PKNOX2: variants seen among roughly 807,000 people sequenced by gnomAD.
PKNOX2 encodes the protein homeobox protein PKNOX2.
PKNOX2 carries 14 observed loss-of-function variants against 53.1 expected under a neutral mutation model. The observed-to-expected ratio is 0.26, with a 90% CI of 0.17 to 0.41. The LOEUF is 0.41. Among genes scored for constraint, PKNOX2 ranks in the 10% least tolerant of loss-of-function variants. The pLI is 1.00. For synonymous variants in PKNOX2, 257 were observed against 242.8 expected, an observed-to-expected ratio of 1.06 and a Z score of -0.54; for missense variants, 496 against 602.8, an observed-to-expected ratio of 0.82 and a Z score of 1.85.
intron 2 of PKNOX2, among the ~76,000 whole-genome samples, chr11:125,322,559 G>C (rs1015655282): frequency 6.6e-6 from 1 of 152,186 alleles, no homozygotes; most frequent in African/African-American, 2.4e-5. Context: ...GCTCTCGTGG[G>C]GGTTTAATCC....
rs116887472 is a variant in PKNOX2, at chr11:125,261,761, C to T, written c.-130+26646C>T. Among the ~76,000 whole-genome samples the T allele has an allele frequency of 2.4e-3, 369 of 152,310 alleles. 1 individual carries two copies. Among genetic ancestry groups the T allele is most frequent in the South Asian group, 9.5e-3 (46 of 4,820 alleles). ...GCCAGAGGGAGCAGAGCATCAGCTC[C>T]AATGCCGCTCTTTCCGATCTGCAAA... On this transcript the variant is annotated intron_variant, in intron 2 of 12. Coordinates refer to ENST00000298282, the MANE Select transcript of PKNOX2 (RefSeq NM_001382323.2).
intron 5 of PKNOX2, among the ~76,000 whole-genome samples, chr11:125,376,821 G>A (rs1474308173): frequency 2.0e-5 from 3 of 152,318 alleles, no homozygotes; most frequent in African/African-American, 7.2e-5. Context: ...CCATGAGGAA[G>A]ACAGTCCTGT....
At chr11:125,245,148 C>T (rs75097646) in intron 2 of PKNOX2, among the ~76,000 whole-genome samples, 3 of 152,146 alleles carry the variant, frequency 2.0e-5, no homozygotes, top group African/African-American at 7.2e-5. Context: ...CCTGAAACTA[C>T]TCAGCCTTGG....
At chr11:125,281,554 T>A (rs990535615) in intron 2 of PKNOX2, among the ~76,000 whole-genome samples, 2 of 152,182 alleles carry the variant, frequency 1.3e-5, no homozygotes, top group Non-Finnish European at 2.9e-5. Flanking sequence ...GCTACTGTCT[T>A]AAATAAGAGG....
chr11:125,424,853 A>C (rs559276883), intron 10 of PKNOX2, among the ~76,000 whole-genome samples: 1 of 152,320 alleles, frequency 6.6e-6, no homozygotes, highest in East Asian at 1.9e-4. Flanking sequence ...CCCTGGGCAG[A>C]ACTCACTCTT....
chr11:125,255,170 G>A (rs1178748484), intron 2 of PKNOX2, among the ~76,000 whole-genome samples: 1 of 152,226 alleles, frequency 6.6e-6, no homozygotes, highest in Non-Finnish European at 1.5e-5. Flanking sequence ...AGTGCGCTTA[G>A]CAGGATCAAA....
rs1363591960 is a variant in PKNOX2, at chr11:125,362,099, T to G, written c.88-5747T>G. ...ACTGGGACCAGCAGTGAGGACGGGG[T>G]GGACTAGATGGAGACTTAGAACACA... On this transcript the variant is annotated intron_variant, in intron 4 of 12. Coordinates refer to ENST00000298282, the MANE Select transcript of PKNOX2 (RefSeq NM_001382323.2). 2.6e-5 allele frequency among the ~76,000 whole-genome samples: 4 copies of G among 151,876 alleles called. No individual in the cohort carries two copies. In the South Asian group the frequency reaches 8.3e-4, roughly 32 times the overall value.
chr11:125,313,604 T>C (rs145280030), intron 2 of PKNOX2, among the ~76,000 whole-genome samples: 4 of 152,292 alleles, frequency 2.6e-5, no homozygotes, highest in African/African-American at 9.6e-5. Context: ...AAAGCACATG[T>C]ACCCAGGAGG....
rs35679690 is a variant in PKNOX2, at chr11:125,250,065, C to CA, written c.-130+14976dup. On this transcript the variant is annotated intron_variant, in intron 2 of 12. Transcript: ENST00000298282. ...GGGCAACAGGAGCAAAACTCTGTCT[C>CA]AAAAAAAAAAAAAAAAAAAAAAAAA... 4.2e-3 allele frequency among the ~76,000 whole-genome samples: 195 copies of CA among 46,958 alleles called. 5 individuals carry two copies. The highest frequency in any genetic ancestry group is 6.8e-3 in the South Asian group (6 of 878). The allele number at this position is 46,958 out of a possible 152,430, so 30.8% of individuals were successfully genotyped here. A position where few individuals can be genotyped will look rare whatever the true frequency, so the allele number is the denominator to read the frequency against.
At chr11:125,225,195 G>A (rs1941582466) in intron 1 of PKNOX2, among the ~76,000 whole-genome samples, 1 of 152,184 alleles carries the variant, frequency 6.6e-6, no homozygotes, top group South Asian at 2.1e-4. Context: ...GCCTGCTGGG[G>A]AGAACCCGTC....
intron 5 of PKNOX2, among the ~76,000 whole-genome samples, chr11:125,377,189 C>T (rs935936657): frequency 1.3e-5 from 2 of 152,170 alleles, no homozygotes; most frequent in Non-Finnish European, 2.9e-5. Context: ...TTACAGGAAC[C>T]TGCATGGGAG....
chr11:125,289,178 C>A (rs535499204), intron 2 of PKNOX2, among the ~76,000 whole-genome samples: 3 of 152,284 alleles, frequency 2.0e-5, no homozygotes, highest in Admixed American at 1.3e-4. Flanking sequence ...CGGGGCCCTG[C>A]TGACCAGGGG....
intron 3 of PKNOX2, among the ~76,000 whole-genome samples, chr11:125,334,123 G>T (rs76976202): frequency 1.3e-5 from 2 of 152,088 alleles, no homozygotes; most frequent in African/African-American, 4.8e-5. Flanking sequence ...GGACAGATTC[G>T]GGACTGAAAC....
chr11:125,363,424 T>G (rs1396818048), intron 4 of PKNOX2, among the ~76,000 whole-genome samples: 1 of 152,212 alleles, frequency 6.6e-6, no homozygotes, highest in African/African-American at 2.4e-5. Context: ...CCAAAACACG[T>G]AGCTAATAAT....
intron 10 of PKNOX2, among the ~76,000 whole-genome samples, chr11:125,426,919 G>T (rs1452466158): frequency 2.0e-5 from 3 of 152,232 alleles, no homozygotes; most frequent in Non-Finnish European, 4.4e-5. Context: ...GTGATCTGTG[G>T]CAGGCCCTCA....
intron 2 of PKNOX2, among the ~76,000 whole-genome samples, chr11:125,323,646 C>T (rs76611330): frequency 1.9e-4 from 29 of 152,264 alleles, no homozygotes; most frequent in South Asian, 6.2e-4. Context: ...TCCTTAATAA[C>T]GAAAATTTAC....
At chr11:125,314,446 G>A (rs1247612947) in intron 2 of PKNOX2, among the ~76,000 whole-genome samples, 2 of 152,158 alleles carry the variant, frequency 1.3e-5, no homozygotes, top group Non-Finnish European at 2.9e-5. Context: ...CAGAGCTCGC[G>A]TCCAGATGGC....
chr11:125,165,060 G>A lies in PKNOX2; in HGVS notation c.-201+284G>A, dbSNP rs868151198. ...GGAAGCGCCGGGAGAGCGCGGAGCG[G>A]AGCAGCGCGAGGGGCGGCGAGGCCG... On this transcript the variant is annotated intron_variant, in intron 1 of 12. Transcript: ENST00000298282. This position sits in a 1 kb window ranked among gnomAD's most constrained non-coding sequence, Gnocchi z 4.5. Among the ~76,000 whole-genome samples, 1 of 150,938 alleles carries A rather than the reference G, an allele frequency of 6.6e-6. No individual in the cohort carries two copies. The highest frequency in any genetic ancestry group is 1.5e-5 in the Non-Finnish European group (1 of 67,654).
At chr11:125,235,716 A>T (rs1163736837) in intron 2 of PKNOX2, among the ~76,000 whole-genome samples, 1 of 152,144 alleles carries the variant, frequency 6.6e-6, no homozygotes, top group Non-Finnish European at 1.5e-5. Context: ...CTTCCTAGGT[A>T]ACGCCAGCTG....
Sources: allele counts gnomAD v4.1 joint callset (sites outside exome capture counted in the v4.1 genomes callset), GRCh38; gene constraint gnomAD v4.1.1; non-coding constraint Gnocchi (gnomAD v3.1); transcripts MANE v1.5; gene names NCBI Gene and HGNC (gene_info 2026-07-23, HGNC 2026-07-21).